MTMR3: variants seen among roughly 807,000 people sequenced by gnomAD.
MTMR3 encodes the protein phosphatidylinositol-3,5-bisphosphate 3-phosphatase MTMR3.
Under a neutral mutation model 132.4 loss-of-function variants are expected in MTMR3, and 32 were observed. That is an observed-to-expected ratio of 0.24 (90% CI 0.18 to 0.32). The LOEUF is 0.32. MTMR3 is among the 10% of genes least tolerant of loss of function. The probability of loss-of-function intolerance (pLI) is 1.00; values close to 1 mark genes in which losing one functional copy is unlikely to be tolerated. For missense variants in MTMR3, 1,216 were observed against 1,489.6 expected (o/e 0.82, Z 3.02); for synonymous variants, 556 against 550.3 (o/e 1.01, Z -0.14).
rs950436304 is a variant in MTMR3 at position 30,009,082 on chromosome 22, T to C, written c.1074T>C (p.Ser358=). 10 of 1,613,798 alleles carry C rather than the reference T, an allele frequency of 6.2e-6. No homozygotes were observed. In the Middle Eastern group the frequency reaches 1.5e-3, roughly 240 times the overall value. ...GMANIHSIRR[S]FQSLRLLCTQ... The stretch of plus-strand genomic sequence containing the variant: ...CAAACATTCATTCTATTCGGAGGAG[T>C]TTTCAGTCTCTGCGGTTGCTGTGCA... Residue 358 remains serine (S), a synonymous_variant, in exon 12 of 20, where the codon AGT becomes AGC. Transcript: ENST00000401950.
At chr22:29,920,058 A>G (rs969326131) in intron 1 of MTMR3, among the ~76,000 whole-genome samples, 4 of 151,954 alleles carry the variant, frequency 2.6e-5, no homozygotes, top group African/African-American at 9.7e-5. Context: ...TACTAAAAAT[A>G]TGAAAATTAG....
intron 1 of MTMR3, among the ~76,000 whole-genome samples, chr22:29,953,154 CTTAA>C (rs1235169556): frequency 1.3e-5 from 2 of 152,170 alleles, no homozygotes; most frequent in African/African-American, 4.8e-5. Flanking sequence ...GGTTTTGACT[CTTAA>C]TTATCGTTCA....
At chr22:29,986,499 TTTG>T (rs1451204939) in intron 5 of MTMR3, 19 of 796,422 alleles carry the variant, frequency 2.4e-5, no homozygotes, top group African/African-American at 3.9e-5. Context: ...TGTAGGTTTG[TTTG>T]TTTTTTTTTT....
chr22:29,884,114 C>T (rs528178955), intron 1 of MTMR3, among the ~76,000 whole-genome samples: 1 of 152,230 alleles, frequency 6.6e-6, no homozygotes, highest in East Asian at 1.9e-4. Context: ...TTAATAGACT[C>T]CCCTGGAATT....
chr22:29,994,086 G>T, intron 7 of MTMR3: 1 of 985,060 alleles, frequency 1.0e-6, no homozygotes, highest in South Asian at 4.7e-5. Flanking sequence ...ATCTGTTAAT[G>T]CTGCAGAGTT....
chr22:29,905,170 G>T (rs542063408), intron 1 of MTMR3, among the ~76,000 whole-genome samples: 33 of 152,160 alleles, frequency 2.2e-4, no homozygotes, highest in African/African-American at 8.0e-4. Context: ...TGGGGGATGG[G>T]TTCCAGGACC....
intron 5 of MTMR3, chr22:29,985,662 A>G (rs2066842820): frequency 6.6e-6 from 1 of 152,178 alleles, no homozygotes; most frequent in South Asian, 2.1e-4. Flanking sequence ...CCTGCATGTG[A>G]CAGTCTGCAT....
chr22:29,949,285 C>T lies in MTMR3; in HGVS notation c.-137-7751C>T, dbSNP rs186747172. On this transcript the variant is annotated intron_variant, in intron 1 of 19. Transcript: ENST00000401950. ...GGCAGATCACCTGAGGTCAGGAGTT[C>T]GAGACCAGCCTGGCCAACATGGTGA... Among the ~76,000 whole-genome samples the T allele has an allele frequency of 2.5e-3, 381 of 151,570 alleles. 1 individual carries two copies. The highest frequency in any genetic ancestry group is 4.8e-3 in the South Asian group (23 of 4,800).
chr22:29,928,768 G>A (rs1162231385), intron 1 of MTMR3, among the ~76,000 whole-genome samples: 6 of 151,916 alleles, frequency 3.9e-5, no homozygotes, highest in Admixed American at 1.3e-4. Context: ...ACCCTCCTTG[G>A]CCACCCAAAG....
chr22:30,002,910 A>G lies in MTMR3; in HGVS notation c.588A>G (p.Ile196Met), dbSNP rs767507024. ...KLCGSYPQEL[I>M]VPAWITDKEL... is the part of the protein sequence containing the mutation. ...GTGGTAGCTATCCTCAAGAGCTCAT[A>G]GTGCCTGCCTGGATCACTGACAAAG... The change falls in exon 9 of 20, where the codon ATA becomes ATG. Residue 196 changes from isoleucine (I) to methionine (M), a missense_variant. Ile to Met is a conservative substitution (Grantham distance 10). Transcript: ENST00000401950. The G allele has an allele frequency of 6.2e-7, 1 of 1,613,982 alleles. No individual in the cohort carries two copies. Among genetic ancestry groups the G allele is most frequent in the South Asian group, 1.1e-5 (1 of 91,076 alleles).
chr22:29,886,623 T>A (rs1452922380), intron 1 of MTMR3, among the ~76,000 whole-genome samples: 1 of 152,218 alleles, frequency 6.6e-6, no homozygotes, highest in Non-Finnish European at 1.5e-5. Context: ...ATTATGTTAT[T>A]TGGTATTCAT....
rs917902216 is a variant in MTMR3 at position 29,964,500 on chromosome 22, C to A, written c.-84-6476C>A. Reference sequence around the variant, plus strand: ...AATTCCTATAGCAGTTTTAACTTTTCTCAGATACTTAAAGCAGCACCTCTT... The same window carrying A: ...AATTCCTATAGCAGTTTTAACTTTTATCAGATACTTAAAGCAGCACCTCTT... On this transcript the variant is annotated intron_variant, in intron 2 of 19. Coordinates refer to ENST00000401950, the MANE Select transcript of MTMR3 (RefSeq NM_021090.4). Among the ~76,000 whole-genome samples the A allele has an allele frequency of 1.3e-5, 2 of 152,270 alleles. 1 individual carries two copies. The highest frequency in any genetic ancestry group is 3.8e-4 in the East Asian group (2 of 5,196).
chr22:29,954,600 C>T (rs567958066), intron 1 of MTMR3, among the ~76,000 whole-genome samples: 4 of 152,298 alleles, frequency 2.6e-5, no homozygotes, highest in South Asian at 2.1e-4. Context: ...TAATCAGCAC[C>T]TGTGGAAACT....
At chr22:29,938,107 T>TA (rs1446253057) in intron 1 of MTMR3, among the ~76,000 whole-genome samples, 1 of 152,150 alleles carries the variant, frequency 6.6e-6, no homozygotes, top group African/African-American at 2.4e-5. Context: ...AGGATCTCAT[T>TA]ATATGCTCAT....
chr22:29,889,549 A>G (rs2064751378), intron 1 of MTMR3, among the ~76,000 whole-genome samples: 1 of 151,964 alleles, frequency 6.6e-6, no homozygotes, highest in African/African-American at 2.4e-5. Flanking sequence ...CGCCTCCCAA[A>G]GTGGTGGGAT....
At chr22:29,892,973 C>T (rs1442933726) in intron 1 of MTMR3, among the ~76,000 whole-genome samples, 1 of 152,216 alleles carries the variant, frequency 6.6e-6, no homozygotes, top group African/African-American at 2.4e-5. Flanking sequence ...CTTGAGACCA[C>T]ATGCCTAGTG....
intron 11 of MTMR3, 158 bp downstream of exon 11, chr22:30,008,190 G>C (rs2067316218): frequency 1.1e-6 from 1 of 910,632 alleles, no homozygotes; most frequent in Non-Finnish European, 1.6e-6. Flanking sequence ...TCTTAACACT[G>C]TATGTTCTTT....
intron 2 of MTMR3, among the ~76,000 whole-genome samples, chr22:29,960,613 T>C (rs2066292126): frequency 6.6e-6 from 1 of 152,224 alleles, no homozygotes; most frequent in African/African-American, 2.4e-5. Flanking sequence ...GCTTATTACA[T>C]GCCAGTAACT....
At chr22:29,942,584 C>G (rs370861049) in intron 1 of MTMR3, among the ~76,000 whole-genome samples, 1 of 152,194 alleles carries the variant, frequency 6.6e-6, no homozygotes, top group East Asian at 1.9e-4. Context: ...TTCATCCCTC[C>G]GCTACGACCG....
Sources: allele counts gnomAD v4.1 joint callset (sites outside exome capture counted in the v4.1 genomes callset), GRCh38; gene constraint gnomAD v4.1.1; transcripts MANE v1.5; gene names NCBI Gene and HGNC (gene_info 2026-07-23, HGNC 2026-07-21).